BRD10: variants seen among roughly 807,000 people sequenced by gnomAD.
BRD10 encodes uncharacterized bromodomain-containing protein 10.
chr9:5,886,153 A>G, the BRD10 span, among the ~76,000 whole-genome samples: 2 of 152,212 alleles, frequency 1.3e-5, no homozygotes, highest in African/African-American at 4.8e-5. Flanking sequence ...TGTGGGGAGC[A>G]CTGAAGAGGG....
chr9:5,946,373 G>A, the BRD10 span, among the ~76,000 whole-genome samples: 1 of 151,958 alleles, frequency 6.6e-6, no homozygotes, highest in African/African-American at 2.4e-5. Context: ...CAGTGTAGCT[G>A]GTATTTATTA....
chr9:5,921,989 A>C, the BRD10 span: 11 of 1,613,992 alleles, frequency 6.8e-6, no homozygotes, highest in South Asian at 1.2e-4. Flanking sequence ...TGTTCCAGCT[A>C]CAGGTGAAAA....
the BRD10 span, among the ~76,000 whole-genome samples, chr9:5,936,868 T>C: frequency 3.3e-4 from 51 of 152,302 alleles, no homozygotes; most frequent in African/African-American, 1.1e-3. Flanking sequence ...TACAAATTTA[T>C]TGGGACTTTG....
At chr9:5,993,748 T>C in the BRD10 span, among the ~76,000 whole-genome samples, 3 of 152,156 alleles carry the variant, frequency 2.0e-5, no homozygotes, top group South Asian at 2.1e-4. Context: ...CTGAACCCAA[T>C]CAGAAGTCAG....
chr9:5,925,358 CAAA>C, the BRD10 span, among the ~76,000 whole-genome samples: 49 of 116,164 alleles, frequency 4.2e-4, no homozygotes, highest in African/African-American at 1.0e-3. Flanking sequence ...GACTCCATCT[CAAA>C]AAAAAAAAAA....
the BRD10 span, among the ~76,000 whole-genome samples, chr9:5,964,980 G>A: frequency 0.64 from 85,700 of 133,834 alleles, 29,033 homozygotes; most frequent in Non-Finnish European, 0.77. Flanking sequence ...TGGGTGCAGC[G>A]CACCAGCATG....
the BRD10 span, among the ~76,000 whole-genome samples, chr9:5,940,435 C>T: frequency 6.6e-5 from 10 of 152,186 alleles, no homozygotes; most frequent in African/African-American, 1.4e-4. Flanking sequence ...CCTTGTGATC[C>T]GCCCACCTTG....
chr9:5,991,492 G>A, the BRD10 span, among the ~76,000 whole-genome samples: 2 of 152,072 alleles, frequency 1.3e-5, no homozygotes, highest in Non-Finnish European at 2.9e-5. Flanking sequence ...GGAGGCCAAG[G>A]CAGGTGGATC....
the BRD10 span, among the ~76,000 whole-genome samples, chr9:5,989,531 A>T: frequency 6.7e-6 from 1 of 149,828 alleles, no homozygotes; most frequent in African/African-American, 2.5e-5. Flanking sequence ...AAGGTTCATT[A>T]AAATGTAAAT....
chr9:5,926,613 G>C, the BRD10 span, among the ~76,000 whole-genome samples: 1 of 151,882 alleles, frequency 6.6e-6, no homozygotes, highest in Non-Finnish European at 1.5e-5. Context: ...CTCACTGCAA[G>C]CTCCGCCTCC....
the BRD10 span, chr9:6,008,363 A>C: frequency 1.0e-6 from 1 of 972,108 alleles, no homozygotes; most frequent in Non-Finnish European, 1.2e-6. Flanking sequence ...CTGGGCGGTG[A>C]GGGGGGAGAA....
the BRD10 span, among the ~76,000 whole-genome samples, chr9:6,006,936 A>G: frequency 6.6e-6 from 1 of 152,164 alleles, no homozygotes; most frequent in Admixed American, 6.5e-5. Flanking sequence ...ATTCCATTTT[A>G]CATCTGCAAA....
At chr9:6,000,070 C>A in the BRD10 span, among the ~76,000 whole-genome samples, 1 of 152,064 alleles carries the variant, frequency 6.6e-6, no homozygotes, top group Non-Finnish European at 1.5e-5. Context: ...ATATCTAGGA[C>A]ATATAGAAAA....
the BRD10 span, chr9:5,933,664 T>TA: frequency 5.0e-6 from 2 of 400,668 alleles, no homozygotes; most frequent in Non-Finnish European, 1.0e-5. Flanking sequence ...TAAAGGAAAA[T>TA]AAAAAATAAC....
the BRD10 span, chr9:5,897,708 T>C: frequency 7.0e-7 from 1 of 1,425,934 alleles, no homozygotes; most frequent in Non-Finnish European, 9.9e-7. Flanking sequence ...CTCTTTCCAG[T>C]TCTTTCCTCT....
chr9:5,906,916 C>T, the BRD10 span: 1 of 1,594,592 alleles, frequency 6.3e-7, no homozygotes, highest in Non-Finnish European at 8.5e-7. Flanking sequence ...ACTCAATGTG[C>T]CTTAACAAGA....
chr9:5,968,204 T>C, the BRD10 span: 21 of 1,612,820 alleles, frequency 1.3e-5, no homozygotes, highest in East Asian at 8.9e-5. Flanking sequence ...TTTAGTTAGT[T>C]TGAGTTTCTT....
the BRD10 span, chr9:5,909,938 T>A: frequency 6.6e-6 from 1 of 152,352 alleles, no homozygotes. Context: ...TCATTTAAAC[T>A]TTTTTTGGCT....
At chr9:5,920,093 T>C in the BRD10 span, 2 of 1,613,692 alleles carry the variant, frequency 1.2e-6, no homozygotes, top group Admixed American at 1.7e-5. Flanking sequence ...CCCAAAAGAG[T>C]TTATAAATTT....
Sources: allele counts gnomAD v4.1 joint callset (sites outside exome capture counted in the v4.1 genomes callset), GRCh38; gene constraint gnomAD v4.1.1; transcripts MANE v1.5; gene names NCBI Gene and HGNC (gene_info 2026-07-23, HGNC 2026-07-21).